The following CTNNA2 variants were observed in gnomAD, a reference collection of about 807,000 sequenced individuals.
CTNNA2 encodes catenin alpha 2.
A neutral mutation model predicts 101.0 loss-of-function variants in CTNNA2; 42 were observed. The observed-to-expected ratio is 0.42, with a 90% confidence interval of 0.32 to 0.54. The LOEUF (loss-of-function observed/expected upper bound fraction) is 0.54, where lower values mean the gene tolerates loss of function less well. CTNNA2 is among the 20% of genes least tolerant of loss of function. The pLI is 0.14. For synonymous variants in CTNNA2, 450 were observed against 456.4 expected (o/e 0.99, Z 0.18); for missense variants, 871 against 1,223.1 (o/e 0.71, Z 4.29).
chr2:79,544,695 C>A (rs1404498659), intron 1 of CTNNA2, among the ~76,000 whole-genome samples: 2 of 151,938 alleles, frequency 1.3e-5, no homozygotes, highest in Admixed American at 6.6e-5. Flanking sequence ...TTCATGAGAC[C>A]CAAAATGAAG....
chr2:79,458,345 G>T (rs1425177335), intron 4 of CTNNA2, among the ~76,000 whole-genome samples: 1 of 152,132 alleles, frequency 6.6e-6, no homozygotes. Flanking sequence ...TTGAAGAAAA[G>T]AAATATAATT....
intron 9 of CTNNA2, among the ~76,000 whole-genome samples, chr2:80,515,318 G>T (rs1559172983): frequency 6.6e-6 from 1 of 151,892 alleles, no homozygotes; most frequent in African/African-American, 2.4e-5. Flanking sequence ...CTGTGTCTCA[G>T]GGCTTCCCAT....
At chr2:79,575,110 A>G (rs1360655307) in intron 1 of CTNNA2, among the ~76,000 whole-genome samples, 1 of 152,122 alleles carries the variant, frequency 6.6e-6, no homozygotes, top group Non-Finnish European at 1.5e-5. Context: ...AAACATGTTC[A>G]GTTTCAATGT....
upstream of CTNNA2, chr2:79,512,881 C>CGCGGGGGCGCGCGAGCGAGCAA (rs1278423969): frequency 6.6e-5 from 10 of 151,216 alleles, no homozygotes; most frequent in African/African-American, 1.5e-4. Context: ...CCACGGGGAC[C>CGCGGGGGCGCGCGAGCGAGCAA]GCGGGGGCGC....
rs143848501 is a variant in CTNNA2, at chr2:79,938,801, G to A, written c.1056+29004G>A. On this transcript the variant is annotated intron_variant, in intron 7 of 18. Transcript: ENST00000402739. Reference sequence around the variant, plus strand: ...AGGCTGTTTGATTCATTGCCAAATAGTACTCAGAATTCAGAGATCAGATAA... The same window carrying A: ...AGGCTGTTTGATTCATTGCCAAATAATACTCAGAATTCAGAGATCAGATAA... Among the ~76,000 whole-genome samples, 12 of 152,292 alleles carry A rather than the reference G, an allele frequency of 7.9e-5. No individual in the cohort carries two copies. In the East Asian group the frequency reaches 2.3e-3, roughly 29 times the overall value.
intron 7 of CTNNA2, among the ~76,000 whole-genome samples, chr2:80,378,396 A>C (rs1449436506): frequency 1.3e-5 from 2 of 150,456 alleles, no homozygotes; most frequent in Admixed American, 1.3e-4. Context: ...ATAAATAAAT[A>C]AATAAATAAA....
At chr2:79,389,985 G>A (rs891582891) in intron 4 of CTNNA2, among the ~76,000 whole-genome samples, 3 of 152,054 alleles carry the variant, frequency 2.0e-5, no homozygotes, top group Non-Finnish European at 4.4e-5. Context: ...ATATATAAAA[G>A]TCTAATTTTA....
At chr2:80,028,557 A>G (rs1163525927) in intron 7 of CTNNA2, among the ~76,000 whole-genome samples, 1 of 152,242 alleles carries the variant, frequency 6.6e-6, no homozygotes, top group Non-Finnish European at 1.5e-5. Flanking sequence ...TGGCCCCTCA[A>G]ATATGCCCAC....
At chr2:79,507,008 A>G (rs1462972495) in intron 5 of CTNNA2, among the ~76,000 whole-genome samples, 1 of 152,166 alleles carries the variant, frequency 6.6e-6, no homozygotes, top group East Asian at 1.9e-4. Context: ...CAGAAAGGGA[A>G]TCTTGTATAA....
rs569234076 is a variant in CTNNA2, at chr2:79,295,495, C to T, written c.-405-17214C>T. 4.5e-3 allele frequency among the ~76,000 whole-genome samples: 677 copies of T among 151,822 alleles called. 5 individuals carry two copies. Among genetic ancestry groups the T allele is most frequent in the African/African-American group, 0.016 (648 of 41,412 alleles). On this transcript the variant is annotated intron_variant, in intron 2 of 21. Coordinates refer to the CTNNA2 transcript ENST00000466387. ...CTCCACCTGGCTGGATTTTTCTTTT[C>T]TTTTTTTTCTTTTTCTTTCTTTCTT...
chr2:80,348,308 C>A (rs571892920), intron 7 of CTNNA2, among the ~76,000 whole-genome samples: 1 of 152,204 alleles, frequency 6.6e-6, no homozygotes, highest in African/African-American at 2.4e-5. Flanking sequence ...TATGGTTATT[C>A]TAGACCAGTC....
At chr2:79,711,104 A>C (rs963859124) in intron 2 of CTNNA2, among the ~76,000 whole-genome samples, 21 of 152,208 alleles carry the variant, frequency 1.4e-4, no homozygotes, top group African/African-American at 5.1e-4. Context: ...CCATGTACTT[A>C]CTTTGGCTTT....
chr2:80,371,740 A>G (rs566325463), intron 7 of CTNNA2, among the ~76,000 whole-genome samples: 1 of 152,196 alleles, frequency 6.6e-6, no homozygotes, highest in Non-Finnish European at 1.5e-5. Context: ...AGCACAGTCT[A>G]TTTGAGCAAT....
chr2:79,328,927 G>T (rs1423126633), intron 3 of CTNNA2, among the ~76,000 whole-genome samples: 1 of 152,022 alleles, frequency 6.6e-6, no homozygotes, highest in African/African-American at 2.4e-5. Flanking sequence ...TAATTCCTTG[G>T]CTTGTGACAA....
chr2:79,324,154 G>A (rs966079489), intron 3 of CTNNA2, among the ~76,000 whole-genome samples: 1 of 152,196 alleles, frequency 6.6e-6, no homozygotes, highest in Admixed American at 6.5e-5. Context: ...ATAACATAAT[G>A]ACGCTTGGAT....
intron 7 of CTNNA2, among the ~76,000 whole-genome samples, chr2:79,994,419 A>G (rs1692399015): frequency 6.6e-6 from 1 of 152,120 alleles, no homozygotes; most frequent in Non-Finnish European, 1.5e-5. Flanking sequence ...CAGCTCATAG[A>G]CATTCTTGTA....
At chr2:80,087,267 C>T (rs1699501758) in intron 7 of CTNNA2, among the ~76,000 whole-genome samples, 1 of 151,952 alleles carries the variant, frequency 6.6e-6, no homozygotes. Flanking sequence ...AAACTGAAAA[C>T]CTAAGTGATA....
chr2:80,307,774 C>T (rs186136643), intron 7 of CTNNA2, among the ~76,000 whole-genome samples: 98 of 152,330 alleles, frequency 6.4e-4, no homozygotes, highest in Non-Finnish European at 2.1e-4. Flanking sequence ...AGCTGCAAGT[C>T]TAGTACTAAT....
chr2:79,219,245 C>T (rs989493443), intron 2 of CTNNA2, among the ~76,000 whole-genome samples: 18 of 152,070 alleles, frequency 1.2e-4, no homozygotes, highest in Admixed American at 2.6e-4. Context: ...TTAAATGTTT[C>T]CATTTGTTCA....
Sources: allele counts gnomAD v4.1 joint callset (sites outside exome capture counted in the v4.1 genomes callset), GRCh38; gene constraint gnomAD v4.1.1; transcripts MANE v1.5; gene names NCBI Gene and HGNC (gene_info 2026-07-23, HGNC 2026-07-21).